The following PRRC2B variants were observed in gnomAD, a reference collection of about 807,000 sequenced individuals.
The protein encoded by PRRC2B is proline rich coiled-coil 2B, also known as protein PRRC2B.
PRRC2B carries 68 observed loss-of-function variants against 242.3 expected under a neutral mutation model. The ratio of observed to expected loss-of-function variants is 0.28; its 90% CI spans 0.23 to 0.34. The LOEUF is 0.34. Among genes scored for constraint, PRRC2B ranks in the 10% least tolerant of loss-of-function variants. The pLI is 1.00. For synonymous variants in PRRC2B, 1,228 were observed against 1,173.6 expected (o/e 1.05, Z -0.95); for missense variants, 2,835 against 2,954.8 (o/e 0.96, Z 0.94).
At position 131,491,425 on chromosome 9, in the gene PRRC2B, C is replaced by A; in HGVS notation, c.6226C>A (p.Leu2076Met). Residue 2076 changes from leucine (L) to methionine (M), a missense_variant and splice_region_variant, in exon 29 of 32, where the codon CTG (leucine) becomes ATG (methionine). Physicochemically the swap from Leu to Met is conservative, Grantham distance 15. Coordinates refer to ENST00000683519, the MANE Select transcript of PRRC2B (RefSeq NM_013318.4). ...CCTGACTGTCATTGTCGCCCAGCAGCTGACCATGCCACTGCCTCGGTACGG... is the reference window on the plus strand; with the variant it reads ...CCTGACTGTCATTGTCGCCCAGCAGATGACCATGCCACTGCCTCGGTACGG... ...SQMLDSQLPQ[L>M]TMPLPRYGSG... is the part of the protein sequence containing the mutation. The A allele has an allele frequency of 6.3e-7, 1 of 1,593,466 alleles. No individual in the cohort carries two copies. The highest frequency in any genetic ancestry group is 8.5e-7 in the Non-Finnish European group (1 of 1,170,602).
At chr9:131,411,082 C>T (rs1016548183) in intron 1 of PRRC2B, among the ~76,000 whole-genome samples, 4 of 151,854 alleles carry the variant, frequency 2.6e-5, no homozygotes, top group African/African-American at 9.7e-5. Flanking sequence ...ATGGTGAAAC[C>T]CCATCTCTAC....
rs1008946665 is a variant in PRRC2B at position 131,459,754 on chromosome 9, G to C, written c.1404+398G>C. Reference sequence around the variant, plus strand: ...AGGTCTTACTATGTTGCCCAGGCTAGTCTTGAGCTCGTGGGCTCAAGGGAT... The same window carrying C: ...AGGTCTTACTATGTTGCCCAGGCTACTCTTGAGCTCGTGGGCTCAAGGGAT... On this transcript the variant is annotated intron_variant, in intron 11 of 31. Transcript: ENST00000683519. Among the ~76,000 whole-genome samples the C allele has an allele frequency of 2.4e-4, 37 of 152,148 alleles. 1 individual carries two copies. The highest frequency in any genetic ancestry group is 8.7e-4 in the African/African-American group (36 of 41,518).
At chr9:131,412,789 C>CTT (rs1837539110) in intron 1 of PRRC2B, among the ~76,000 whole-genome samples, 1 of 110,872 alleles carries the variant, frequency 9.0e-6, no homozygotes, top group Non-Finnish European at 1.9e-5. Context: ...AAAGCATTCT[C>CTT]TCTCTCTCTT....
intron 8 of PRRC2B, 71 bp downstream of exon 8, chr9:131,447,277 T>G: frequency 6.3e-7 from 1 of 1,575,852 alleles, no homozygotes; most frequent in Non-Finnish European, 8.7e-7. Flanking sequence ...GATGAGGGGC[T>G]GATGAATAGA....
intron 1 of PRRC2B, among the ~76,000 whole-genome samples, chr9:131,413,516 T>C (rs908641424): frequency 1.3e-5 from 2 of 152,168 alleles, no homozygotes; most frequent in Admixed American, 6.5e-5. Context: ...ATTTCAAACA[T>C]AGGCATGCAC....
intron 1 of PRRC2B, among the ~76,000 whole-genome samples, chr9:131,378,929 G>C (rs1011862387): frequency 2.0e-5 from 3 of 152,142 alleles, no homozygotes; most frequent in Admixed American, 2.0e-4. Flanking sequence ...ATGTTGGCCA[G>C]GCTGGTCTTG....
intron 19 of PRRC2B, among the ~76,000 whole-genome samples, chr9:131,481,398 A>G (rs184002976): frequency 4.6e-5 from 7 of 152,306 alleles, no homozygotes; most frequent in Admixed American, 3.9e-4. Flanking sequence ...ATAAGTGAAA[A>G]GAAGCATGAG....
At position 131,495,948 on chromosome 9, in the gene PRRC2B, C is replaced by A; in HGVS notation, c.*74C>A. ...ATGCGGCCTCGACACAGCCGACACTCGGGAGCCTCACCAGATCCACCGTCC... is the reference window on the plus strand; with the variant it reads ...ATGCGGCCTCGACACAGCCGACACTAGGGAGCCTCACCAGATCCACCGTCC... On this transcript the variant is annotated 3_prime_UTR_variant, in exon 32 of 32. Transcript: ENST00000683519. The A allele has an allele frequency of 6.4e-7, 1 of 1,561,910 alleles. No homozygotes were observed. Among genetic ancestry groups the A allele is most frequent in the Non-Finnish European group, 8.7e-7 (1 of 1,149,162 alleles).
At chr9:131,391,140 T>C (rs1280502115), upstream of PRRC2B, among the ~76,000 whole-genome samples, 1 of 151,994 alleles carries the variant, frequency 6.6e-6, no homozygotes, top group Admixed American at 6.6e-5. Flanking sequence ...GTCTCCAAGG[T>C]TGTACTAGTT....
chr9:131,401,570 C>T (rs949847449), intron 1 of PRRC2B, among the ~76,000 whole-genome samples: 3 of 151,922 alleles, frequency 2.0e-5, no homozygotes, highest in Non-Finnish European at 4.4e-5. Flanking sequence ...AGTCTGGTGT[C>T]GAACTCCTGG....
chr9:131,474,370 T>C (rs1943629255), intron 15 of PRRC2B, 84 bp from the exon 16 acceptor site: 4 of 1,211,380 alleles, frequency 3.3e-6, no homozygotes, highest in Non-Finnish European at 4.6e-6. Context: ...TGTTTTTTCT[T>C]TTTAAAACTA....
intron 5 of PRRC2B, among the ~76,000 whole-genome samples, chr9:131,441,704 CA>C (rs1201721279): frequency 6.6e-6 from 1 of 152,134 alleles, no homozygotes; most frequent in Non-Finnish European, 1.5e-5. Flanking sequence ...GTGTTGCCCA[CA>C]AGTGTTTTCA....
chr9:131,459,970 CAAAAAAA>C (rs34696844), intron 11 of PRRC2B, among the ~76,000 whole-genome samples: 5 of 87,094 alleles, frequency 5.7e-5, no homozygotes, highest in African/African-American at 1.3e-4. Flanking sequence ...ACCCTATCTC[CAAAAAAA>C]AAAAAAAAAA....
chr9:131,415,789 A>C (rs570856932), intron 1 of PRRC2B, among the ~76,000 whole-genome samples: 1 of 152,300 alleles, frequency 6.6e-6, no homozygotes, highest in African/African-American at 2.4e-5. Flanking sequence ...TTAGATTCTC[A>C]AACTGTATCC....
rs886114534 is a variant in PRRC2B, at chr9:131,487,443, C to G, written c.5984+149C>G. On this transcript the variant is annotated intron_variant, in intron 27 of 31. Coordinates refer to ENST00000683519, the MANE Select transcript of PRRC2B (RefSeq NM_013318.4). The surrounding 1 kb of genome is among the most constrained non-coding windows in gnomAD (Gnocchi z 5.3). The stretch of plus-strand genomic sequence containing the variant: ...TGGGAGTTTGCTCTGAATCACTCTT[C>G]AGTCCGTTGTTAACTGTGCTCTAGG... The G allele has an allele frequency of 3.7e-6, 3 of 819,910 alleles. No homozygotes were observed. In the African/African-American group the frequency reaches 5.2e-5, roughly 14 times the overall value. The allele number at this position is 819,910 out of a possible 1,614,324, so 50.8% of individuals were successfully genotyped here.
At chr9:131,394,841 G>C (rs1183642716) in intron 1 of PRRC2B, among the ~76,000 whole-genome samples, 1 of 152,054 alleles carries the variant, frequency 6.6e-6, no homozygotes, top group Non-Finnish European at 1.5e-5. Flanking sequence ...GAGGCGAGCG[G>C]CCGCCCAGTC....
At position 131,491,472 on chromosome 9, in the gene PRRC2B, C is replaced by T. The variant is rs753414635; in HGVS notation, c.6273C>T (p.Ile2091=). The change falls in exon 29 of 32, where the codon ATC becomes ATT. Residue 2091 remains isoleucine, a synonymous_variant. Transcript: ENST00000683519. ...PRYGSGQQPL[I]LPQSIQLPPG... ...ACGGCTCCGGGCAGCAGCCACTGAT[C>T]CTGCCCCAGTCTATTCAGCTGCCAC... The T allele has an allele frequency of 7.4e-6, 12 of 1,611,958 alleles. No individual in the cohort carries two copies. The South Asian group carries it at 1.2e-4, about 16-fold the overall frequency.
At chr9:131,426,948 G>A (rs72770795) in intron 1 of PRRC2B, among the ~76,000 whole-genome samples, 1,530 of 152,324 alleles carry the variant, frequency 0.01, 24 homozygotes, top group Non-Finnish European at 0.013. Context: ...TTGGGTGAGG[G>A]AAGGGAGTTA....
intron 11 of PRRC2B, among the ~76,000 whole-genome samples, chr9:131,464,349 A>G (rs1459793293): frequency 2.6e-5 from 4 of 152,176 alleles, no homozygotes; most frequent in Non-Finnish European, 5.9e-5. Context: ...GGGCAGGAGT[A>G]GCAGTTTTCG....
Sources: gnomAD v4.1 joint callset for allele counts (sites outside exome capture counted in the v4.1 genomes callset) on GRCh38, gnomAD v4.1.1 for gene constraint, Gnocchi (gnomAD v3.1) non-coding constraint, MANE v1.5 for transcripts, NCBI Gene and HGNC (gene_info 2026-07-23, HGNC 2026-07-21) for gene names.